The following GALNT13 variants were observed in gnomAD, a reference collection of about 807,000 sequenced individuals.
GALNT13 encodes UDP-GalNAc:polypeptide N-acetylgalactosaminyltransferase 13.
Under a neutral mutation model 64.2 loss-of-function variants are expected in GALNT13, and 28 were observed. The observed-to-expected ratio is 0.44, with a 90% CI of 0.32 to 0.60. The LOEUF is 0.60. Among genes scored for constraint, GALNT13 ranks in the 20% least tolerant of loss-of-function variants. The probability of loss-of-function intolerance (pLI) is 0.05; values close to 1 mark genes in which losing one functional copy is unlikely to be tolerated. For synonymous variants in GALNT13, 214 were observed against 224.6 expected, an observed-to-expected ratio of 0.95 and a Z score of 0.42; for missense variants, 577 against 669.8, an observed-to-expected ratio of 0.86 and a Z score of 1.53.
At chr2:153,870,745 A>G (rs1331446353), upstream of GALNT13, among the ~76,000 whole-genome samples, 1 of 150,876 alleles carries the variant, frequency 6.6e-6, no homozygotes, top group East Asian at 1.9e-4. Flanking sequence ...ATACTAGATT[A>G]TGATTAATAG....
At chr2:153,345,084 T>C in the GALNT13 span, among the ~76,000 whole-genome samples, 4 of 152,224 alleles carry the variant, frequency 2.6e-5, no homozygotes, top group Non-Finnish European at 4.4e-5. Flanking sequence ...GGGAAAATAA[T>C]TTCTGAATAT....
the GALNT13 span, among the ~76,000 whole-genome samples, chr2:153,795,723 AT>A: frequency 6.6e-6 from 1 of 152,164 alleles, no homozygotes; most frequent in Admixed American, 6.5e-5. Context: ...GAAAAAGATT[AT>A]TTCACATTTT....
At chr2:153,327,541 T>C in the GALNT13 span, among the ~76,000 whole-genome samples, 1 of 152,028 alleles carries the variant, frequency 6.6e-6, no homozygotes, top group African/African-American at 2.4e-5. Flanking sequence ...TTTCATAAAG[T>C]TGATCTTCAG....
chr2:153,710,471 A>T, the GALNT13 span, among the ~76,000 whole-genome samples: 1 of 152,112 alleles, frequency 6.6e-6, no homozygotes, highest in Admixed American at 6.6e-5. Context: ...GATCTCAATA[A>T]GTCCCAAGAG....
At chr2:153,097,218 G>A in the GALNT13 span, among the ~76,000 whole-genome samples, 1 of 151,946 alleles carries the variant, frequency 6.6e-6, no homozygotes, top group African/African-American at 2.4e-5. Context: ...TTATTGTACT[G>A]AATGTCTTGA....
At chr2:153,778,538 G>A in the GALNT13 span, among the ~76,000 whole-genome samples, 2 of 152,172 alleles carry the variant, frequency 1.3e-5, no homozygotes, top group Non-Finnish European at 2.9e-5. Flanking sequence ...CCATTCATAA[G>A]GAGAAGAGAT....
chr2:153,522,297 C>T, the GALNT13 span, among the ~76,000 whole-genome samples: 2 of 151,904 alleles, frequency 1.3e-5, no homozygotes, highest in African/African-American at 4.8e-5. Flanking sequence ...CGCGCCATTG[C>T]ACTCCAGCCT....
chr2:153,392,735 A>G, the GALNT13 span, among the ~76,000 whole-genome samples: 1 of 151,964 alleles, frequency 6.6e-6, no homozygotes, highest in African/African-American at 2.4e-5. Flanking sequence ...CAGTTCAGTC[A>G]CCTGCTTGAC....
At chr2:154,223,598 T>C (rs1283863619) in intron 4 of GALNT13, among the ~76,000 whole-genome samples, 1 of 151,814 alleles carries the variant, frequency 6.6e-6, no homozygotes, top group South Asian at 2.1e-4. Flanking sequence ...ATTACAGATA[T>C]GTGCCACCAT....
the GALNT13 span, among the ~76,000 whole-genome samples, chr2:153,274,730 A>T: frequency 6.6e-6 from 1 of 152,106 alleles, no homozygotes; most frequent in Non-Finnish European, 1.5e-5. Context: ...TACTTTCCTT[A>T]TTCTTTTATT....
At chr2:154,020,205 G>T (rs1697346638) in intron 3 of GALNT13, among the ~76,000 whole-genome samples, 1 of 152,126 alleles carries the variant, frequency 6.6e-6, no homozygotes, top group Admixed American at 6.5e-5. Context: ...AATCCTTTGG[G>T]TATATACCCA....
chr2:153,423,427 A>C, the GALNT13 span: 2 of 151,936 alleles, frequency 1.3e-5, no homozygotes, highest in African/African-American at 4.8e-5. Context: ...TAAAATGTTA[A>C]AAACATGCCT....
chr2:154,029,641 G>C (rs1698214272), intron 3 of GALNT13, among the ~76,000 whole-genome samples: 1 of 152,058 alleles, frequency 6.6e-6, no homozygotes, highest in African/African-American at 2.4e-5. Context: ...AAGATATTTA[G>C]TTTTAAACAA....
At chr2:153,791,438 G>C in the GALNT13 span, among the ~76,000 whole-genome samples, 2 of 152,132 alleles carry the variant, frequency 1.3e-5, no homozygotes, top group African/African-American at 4.8e-5. Context: ...ACAGATGCTG[G>C]TGAGGTTGTG....
At chr2:153,486,401 G>A in the GALNT13 span, among the ~76,000 whole-genome samples, 625 of 152,236 alleles carry the variant, frequency 4.1e-3, 13 homozygotes, top group Admixed American at 0.025. Flanking sequence ...GGGGACAGCC[G>A]TAAAAATTAA....
intron 2 of GALNT13, among the ~76,000 whole-genome samples, chr2:153,916,465 C>A (rs191520493): frequency 5.5e-4 from 84 of 152,068 alleles, no homozygotes; most frequent in African/African-American, 2.0e-3. Context: ...CCTAGGTAAT[C>A]CGATTTTTGA....
At chr2:153,128,643 T>C in the GALNT13 span, among the ~76,000 whole-genome samples, 1 of 152,226 alleles carries the variant, frequency 6.6e-6, no homozygotes, top group Admixed American at 6.5e-5. Flanking sequence ...TTTCAATCTA[T>C]ATTTTTCTGT....
the GALNT13 span, among the ~76,000 whole-genome samples, chr2:153,093,747 G>T: frequency 6.6e-6 from 1 of 152,126 alleles, no homozygotes; most frequent in South Asian, 2.1e-4. Flanking sequence ...GTTTGAGTAG[G>T]ATTGATGTTA....
the GALNT13 span, among the ~76,000 whole-genome samples, chr2:153,474,753 A>T: frequency 6.6e-6 from 1 of 152,186 alleles, no homozygotes. Flanking sequence ...GGCTTCAGGA[A>T]ATATCAGATA....
Sources: allele counts gnomAD v4.1 joint callset (sites outside exome capture counted in the v4.1 genomes callset), GRCh38; gene constraint gnomAD v4.1.1; transcripts MANE v1.5; gene names NCBI Gene and HGNC (gene_info 2026-07-23, HGNC 2026-07-21).